GDAP2: variants seen among roughly 807,000 people sequenced by gnomAD.
The protein encoded by GDAP2 is ganglioside induced differentiation associated protein 2.
Under a neutral mutation model 67.0 loss-of-function variants are expected in GDAP2, and 51 were observed. The ratio of observed to expected loss-of-function variants is 0.76; its 90% CI spans 0.61 to 0.96. GDAP2 has a LOEUF of 0.96. Among genes scored for constraint, GDAP2 ranks in the 40% least tolerant of loss-of-function variants. The pLI is 0.00. For synonymous variants in GDAP2, 203 were observed against 207.3 expected, an observed-to-expected ratio of 0.98 and a Z score of 0.18; for missense variants, 547 against 588.3, an observed-to-expected ratio of 0.93 and a Z score of 0.73.
chr1:117,878,601 T>C (rs545230023), intron 12 of GDAP2, among the ~76,000 whole-genome samples: 1 of 152,326 alleles, frequency 6.6e-6, no homozygotes, highest in South Asian at 2.1e-4. Context: ...GTGCCAATAT[T>C]TGGGACTCAT....
At chr1:117,912,456 G>T in intron 4 of GDAP2, 74 bp downstream of exon 4, 1 of 1,291,692 alleles carries the variant, frequency 7.7e-7, no homozygotes, top group Non-Finnish European at 1.1e-6. Flanking sequence ...TTAAAAACTG[G>T]GGCCTTTATC....
intron 8 of GDAP2, among the ~76,000 whole-genome samples, chr1:117,892,157 T>C (rs1649109668): frequency 1.3e-5 from 2 of 152,138 alleles, no homozygotes; most frequent in Non-Finnish European, 2.9e-5. Flanking sequence ...GTTTCTTCTT[T>C]ATTCTAATTA....
intron 10 of GDAP2, among the ~76,000 whole-genome samples, chr1:117,884,211 T>C (rs999868425): frequency 3.5e-4 from 54 of 152,140 alleles, no homozygotes; most frequent in Admixed American, 3.3e-3. Flanking sequence ...GCAGGTTTAA[T>C]CAGTAGATGG....
At chr1:117,871,260 C>T (rs913842844) in intron 13 of GDAP2, among the ~76,000 whole-genome samples, 3 of 152,242 alleles carry the variant, frequency 2.0e-5, no homozygotes, top group African/African-American at 7.2e-5. Context: ...AATGCCAAAC[C>T]TTTAATGTCA....
chr1:117,883,499 A>C lies in GDAP2; in HGVS notation c.1236T>G (p.Val412=), dbSNP rs753923942. ...DSDFLKKLYD[V]VDVKYKRNLK... is the part of the protein sequence containing the mutation. ...CAAAAATAACTAACTTGACATCAAC[A>C]ACATCGTAGAGTTTCTTCAGGAAGT... Residue 412 remains valine, a synonymous_variant, in exon 11 of 14, where the codon GTT becomes GTG. Coordinates refer to ENST00000369443, the MANE Select transcript of GDAP2 (RefSeq NM_017686.4). 2.5e-6 allele frequency: 4 copies of C among 1,611,654 alleles called. No individual in the cohort carries two copies. Among genetic ancestry groups the C allele is most frequent in the Non-Finnish European group, 1.7e-6 (2 of 1,178,706 alleles).
At chr1:117,925,339 G>T (rs1466682244) in intron 1 of GDAP2, among the ~76,000 whole-genome samples, 3 of 152,070 alleles carry the variant, frequency 2.0e-5, no homozygotes. Context: ...TGTAGTCCCA[G>T]CTACTCAGGT....
chr1:117,918,873 A>C (rs1469187700), intron 2 of GDAP2, 137 bp from the exon 3 acceptor site: 3 of 690,980 alleles, frequency 4.3e-6, no homozygotes, highest in Non-Finnish European at 7.2e-6. Flanking sequence ...GCAATAGTAG[A>C]AAAGAAATTT....
intron 1 of GDAP2, among the ~76,000 whole-genome samples, chr1:117,924,952 T>C (rs1210269289): frequency 6.6e-6 from 1 of 152,118 alleles, no homozygotes; most frequent in African/African-American, 2.4e-5. Context: ...CAAAAGTTCA[T>C]AATTTCAAAA....
intron 1 of GDAP2, among the ~76,000 whole-genome samples, chr1:117,923,251 A>G (rs1650324694): frequency 6.6e-6 from 1 of 152,226 alleles, no homozygotes. Flanking sequence ...GAGGTGACAT[A>G]CATCCTCAGC....
At position 117,912,059 on chromosome 1, in the gene GDAP2, C is replaced by T. The variant is rs1422384640; in HGVS notation, c.494G>A (p.Gly165Asp). 7 of 1,609,550 alleles carry T rather than the reference C, an allele frequency of 4.3e-6. No homozygotes were observed. The highest frequency in any genetic ancestry group is 2.6e-6 in the Non-Finnish European group (3 of 1,176,154). ...LAKEQSMSSVGFCVINSAKRG... is the reference protein window; with the variant it reads ...LAKEQSMSSVDFCVINSAKRG... The stretch of plus-strand genomic sequence containing the variant: ...TTTTGCAGAATTGATGACACAGAAG[C>T]CAACAGAAGACATTGACTGCTCTCT... Residue 165 changes from glycine (G) to aspartate (D), a missense_variant, in exon 5 of 14, where the codon GGC becomes GAC. Physicochemically the swap from Gly to Asp is moderately conservative, Grantham distance 94. Transcript: ENST00000369443.
intron 8 of GDAP2, among the ~76,000 whole-genome samples, chr1:117,893,682 G>A (rs181581527): frequency 3.0e-4 from 45 of 152,174 alleles, no homozygotes; most frequent in African/African-American, 9.6e-4. Flanking sequence ...TCTCAAATAC[G>A]GCTGAGCATG....
At chr1:117,875,498 C>T (rs1376653369) in intron 13 of GDAP2, among the ~76,000 whole-genome samples, 1 of 152,212 alleles carries the variant, frequency 6.6e-6, no homozygotes, top group East Asian at 1.9e-4. Flanking sequence ...TGGTGGAGCA[C>T]CTCCAGGCAG....
chr1:117,885,492 T>C (rs1012254838), intron 10 of GDAP2, among the ~76,000 whole-genome samples: 1 of 152,174 alleles, frequency 6.6e-6, no homozygotes, highest in African/African-American at 2.4e-5. Flanking sequence ...TAAACACTTC[T>C]CTACAGTACT....
chr1:117,875,016 G>C (rs919532382), intron 13 of GDAP2, among the ~76,000 whole-genome samples: 2 of 152,072 alleles, frequency 1.3e-5, no homozygotes, highest in Admixed American at 6.6e-5. Flanking sequence ...GCAAAGAAAT[G>C]ACAAAAAGTT....
intron 6 of GDAP2, among the ~76,000 whole-genome samples, chr1:117,901,981 A>T (rs1185073164): frequency 6.6e-6 from 1 of 152,198 alleles, no homozygotes; most frequent in Admixed American, 6.5e-5. Flanking sequence ...CTAAACTGTA[A>T]GTCCTGCCCT....
intron 5 of GDAP2, among the ~76,000 whole-genome samples, chr1:117,911,093 T>A (rs1649840049): frequency 6.6e-6 from 1 of 152,208 alleles, no homozygotes; most frequent in African/African-American, 2.4e-5. Context: ...GCTAAAAGCA[T>A]GCTCTTCTTT....
chr1:117,897,413 T>G (rs916924712), intron 7 of GDAP2, among the ~76,000 whole-genome samples: 10 of 152,242 alleles, frequency 6.6e-5, no homozygotes, highest in Non-Finnish European at 1.3e-4. Context: ...GCATAAATGC[T>G]CTTCTGTAAG....
At chr1:117,881,027 G>A (rs1463948441) in intron 12 of GDAP2, among the ~76,000 whole-genome samples, 2 of 152,128 alleles carry the variant, frequency 1.3e-5, no homozygotes, top group African/African-American at 4.8e-5. Context: ...GGAGTGGGAA[G>A]GTAAAGATAA....
chr1:117,893,667 T>C (rs953331587), intron 8 of GDAP2, among the ~76,000 whole-genome samples: 1 of 152,160 alleles, frequency 6.6e-6, no homozygotes, highest in African/African-American at 2.4e-5. Flanking sequence ...AACTACAACC[T>C]ACAATCTCAA....
Sources: gnomAD v4.1 joint callset for allele counts (sites outside exome capture counted in the v4.1 genomes callset) on GRCh38, gnomAD v4.1.1 for gene constraint, MANE v1.5 for transcripts, NCBI Gene and HGNC (gene_info 2026-07-23, HGNC 2026-07-21) for gene names.